Variants in GLIS3 observed in about 807,000 individuals in gnomAD.
GLIS3 encodes GLIS family zinc finger 3.
Under a neutral mutation model 78.6 loss-of-function variants are expected in GLIS3, and 53 were observed. That is an observed-to-expected ratio of 0.67 (90% CI 0.54 to 0.85). GLIS3 has a LOEUF of 0.85. GLIS3 is among the 40% of genes least tolerant of loss of function. The pLI, the probability that GLIS3 is intolerant of heterozygous loss-of-function variation, is 0.00. For missense variants in GLIS3, 1,703 were observed against 1,231.1 expected, an observed-to-expected ratio of 1.38 and a Z score of -5.74; for synonymous variants, 684 against 509.9, an observed-to-expected ratio of 1.34 and a Z score of -4.60.
rs1181679107 is a variant in GLIS3 at position 4,080,934 on chromosome 9, G to A, written c.1710+36834C>T. 2.6e-5 allele frequency among the ~76,000 whole-genome samples: 4 copies of A among 152,132 alleles called. No homozygotes were observed. In the East Asian group the frequency reaches 7.7e-4, roughly 29 times the overall value. ...CTCAAGGAAACGGTGTTTGAGGTGG[G>A]TCTGCTTACCACAGTCCTTGTCAAC... On this transcript the variant is annotated intron_variant, in intron 4 of 10. Transcript: ENST00000381971.
intron 8 of GLIS3, among the ~76,000 whole-genome samples, chr9:3,875,338 ATTTAT>A (rs1821243377): frequency 6.6e-6 from 1 of 152,190 alleles, no homozygotes; most frequent in Non-Finnish European, 1.5e-5. Flanking sequence ...GAGAACTTGC[ATTTAT>A]TTTATTTTAT....
intron 7 of GLIS3, among the ~76,000 whole-genome samples, chr9:3,887,491 A>G (rs1056490655): frequency 7.9e-5 from 12 of 152,320 alleles, no homozygotes; most frequent in East Asian, 5.8e-4. Context: ...ATAAAGCAAA[A>G]TGAGAATTTA....
chr9:4,434,904 A>T, the GLIS3 span, among the ~76,000 whole-genome samples: 1 of 152,218 alleles, frequency 6.6e-6, no homozygotes, highest in Non-Finnish European at 1.5e-5. Flanking sequence ...TTCAAAGAAG[A>T]TGTGATCCGG....
At chr9:4,223,006 T>A (rs1821462983) in intron 2 of GLIS3, among the ~76,000 whole-genome samples, 2 of 152,174 alleles carry the variant, frequency 1.3e-5, no homozygotes, top group Non-Finnish European at 2.9e-5. Flanking sequence ...CAAACAGCAC[T>A]CCTTAGGTAG....
In GLIS3 at chr9:4,118,065, C is replaced by T. The variant is rs1831827525; in HGVS notation, c.1413G>A (p.Pro471=). The T allele has an allele frequency of 1.7e-6, 2 of 1,193,324 alleles. No homozygotes were observed. The highest frequency in any genetic ancestry group is 1.7e-5 in the African/African-American group (1 of 58,288). The allele number at this position is 1,193,324 out of a possible 1,614,324, so 73.9% of individuals were successfully genotyped here. ...GCTGCTGGGCGTGGGGCCCGAGCTC[C>T]GGGTGGTGAAGGTGCGCATGGGCAT... is the stretch of plus-strand genomic sequence containing the variant. ...PYHAHAHLHH[P]ELGPHAQQLA... The change falls in exon 4 of 11, where the codon CCG becomes CCA. Residue 471 remains proline, a synonymous_variant. Transcript: ENST00000381971. This position sits in a 1 kb window ranked among gnomAD's most constrained non-coding sequence, Gnocchi z 4.7.
chr9:4,123,055 G>C (rs1462771685), intron 3 of GLIS3, among the ~76,000 whole-genome samples: 3 of 151,988 alleles, frequency 2.0e-5, no homozygotes, highest in African/African-American at 4.8e-5. Context: ...TAAGGAAAAA[G>C]AGCTTTTCCC....
chr9:4,142,764 T>C (rs560684834), intron 2 of GLIS3, among the ~76,000 whole-genome samples: 18 of 152,302 alleles, frequency 1.2e-4, no homozygotes, highest in African/African-American at 4.3e-4. Flanking sequence ...TAGACATTAA[T>C]CTCAACAAGC....
chr9:4,465,258 C>T, the GLIS3 span, among the ~76,000 whole-genome samples: 9 of 152,226 alleles, frequency 5.9e-5, no homozygotes, highest in South Asian at 1.0e-3. Flanking sequence ...GTCTAAATAA[C>T]GATAATAGGC....
chr9:4,276,887 C>T (rs1827083312), intron 2 of GLIS3, among the ~76,000 whole-genome samples: 1 of 152,184 alleles, frequency 6.6e-6, no homozygotes, highest in South Asian at 2.1e-4. Context: ...ACTCTGGCTA[C>T]CTCAACTGGA....
chr9:4,049,030 G>C (rs1028864144), intron 4 of GLIS3, among the ~76,000 whole-genome samples: 1 of 152,086 alleles, frequency 6.6e-6, no homozygotes, highest in African/African-American at 2.4e-5. Flanking sequence ...ATACAGAGAG[G>C]GCTAAGAACA....
At chr9:4,207,111 C>T (rs777962720) in intron 2 of GLIS3, among the ~76,000 whole-genome samples, 2 of 152,318 alleles carry the variant, frequency 1.3e-5, no homozygotes, top group African/African-American at 2.4e-5. Context: ...GGCTACACTT[C>T]CCAATCCATA....
intron 7 of GLIS3, among the ~76,000 whole-genome samples, chr9:3,893,961 G>A (rs1344243470): frequency 1.3e-5 from 2 of 152,172 alleles, no homozygotes; most frequent in African/African-American, 4.8e-5. Context: ...GCTTGCTCCT[G>A]ACCTCACTGC....
At chr9:4,029,394 A>G (rs1008221271) in intron 4 of GLIS3, among the ~76,000 whole-genome samples, 1 of 152,178 alleles carries the variant, frequency 6.6e-6, no homozygotes, top group Non-Finnish European at 1.5e-5. Flanking sequence ...GATGTAATAT[A>G]AAATAAGCAC....
chr9:3,899,867 G>A (rs1166224189), intron 6 of GLIS3, among the ~76,000 whole-genome samples: 1 of 152,218 alleles, frequency 6.6e-6, no homozygotes, highest in African/African-American at 2.4e-5. Flanking sequence ...CTCAGATGGT[G>A]ATAAATGCTA....
intron 2 of GLIS3, among the ~76,000 whole-genome samples, chr9:4,285,021 C>G (rs1827865322): frequency 1.3e-5 from 2 of 152,124 alleles, no homozygotes; most frequent in Admixed American, 6.5e-5. Flanking sequence ...TACACAGACT[C>G]TAAAACAACT....
At chr9:4,430,632 T>G in the GLIS3 span, among the ~76,000 whole-genome samples, 1 of 152,186 alleles carries the variant, frequency 6.6e-6, no homozygotes, top group Non-Finnish European at 1.5e-5. Context: ...AAAGAACAAC[T>G]AGCAAGAGGA....
At chr9:4,077,738 T>C (rs777192228) in intron 4 of GLIS3, among the ~76,000 whole-genome samples, 12 of 152,210 alleles carry the variant, frequency 7.9e-5, no homozygotes, top group Non-Finnish European at 1.5e-4. Flanking sequence ...CTGGTCCTGT[T>C]CTCTTGTCAG....
chr9:4,408,683 C>T, the GLIS3 span, among the ~76,000 whole-genome samples: 3 of 131,220 alleles, frequency 2.3e-5, no homozygotes, highest in African/African-American at 6.1e-5. Flanking sequence ...GCCGAGATCA[C>T]GCCACCGCAC....
the GLIS3 span, among the ~76,000 whole-genome samples, chr9:4,408,382 G>A: frequency 6.6e-6 from 1 of 151,302 alleles, no homozygotes; most frequent in Non-Finnish European, 1.5e-5. Flanking sequence ...ATAGAACGAT[G>A]GTTACCTGGG....
Sources: gnomAD v4.1 joint callset for allele counts (sites outside exome capture counted in the v4.1 genomes callset) on GRCh38, gnomAD v4.1.1 for gene constraint, Gnocchi (gnomAD v3.1) non-coding constraint, MANE v1.5 for transcripts, NCBI Gene and HGNC (gene_info 2026-07-23, HGNC 2026-07-21) for gene names.